The following CASD1 variants were observed in gnomAD, a reference collection of about 807,000 sequenced individuals.
CASD1 encodes CAS1 domain sialic acid O acetyltransferase 1, also known as N-acetylneuraminate (7)9-O-acetyltransferase.
Under a neutral mutation model 100.0 loss-of-function variants are expected in CASD1, and 41 were observed. The ratio of observed to expected loss-of-function variants is 0.41; its 90% CI spans 0.32 to 0.53. The LOEUF (loss-of-function observed/expected upper bound fraction) is 0.53, where lower values mean the gene tolerates loss of function less well. Ranked by LOEUF, CASD1 falls within the 20% of genes least tolerant of loss-of-function variation. CASD1 has a pLI of 0.25. For synonymous variants in CASD1, 321 were observed against 315.6 expected, an observed-to-expected ratio of 1.02 and a Z score of -0.18; for missense variants, 774 against 948.7, an observed-to-expected ratio of 0.82 and a Z score of 2.42.
intron 5 of CASD1, among the ~76,000 whole-genome samples, chr7:94,530,451 C>T (rs1203005487): frequency 6.6e-6 from 1 of 152,100 alleles, no homozygotes; most frequent in Non-Finnish European, 1.5e-5. Flanking sequence ...TATCCTCAGC[C>T]ATACTGGGGG....
chr7:94,598,758 T>C, the CASD1 span: 1 of 1,549,334 alleles, frequency 6.5e-7, no homozygotes, highest in Non-Finnish European at 8.9e-7. Flanking sequence ...TAATTATGGC[T>C]CTAAGTGGAC....
At chr7:94,516,335 C>T (rs780632973) in intron 1 of CASD1, among the ~76,000 whole-genome samples, 1 of 152,084 alleles carries the variant, frequency 6.6e-6, no homozygotes, top group East Asian at 1.9e-4. Flanking sequence ...GCATACTTGT[C>T]TTGTATTTGT....
chr7:94,618,794 C>G, the CASD1 span: 2 of 1,614,010 alleles, frequency 1.2e-6, no homozygotes, highest in Non-Finnish European at 1.7e-6. Context: ...TGGCACCCTG[C>G]CACCCCTGTC....
intron 11 of CASD1, 108 bp from the exon 12 acceptor site, chr7:94,545,437 T>G: frequency 1.4e-6 from 1 of 713,900 alleles, no homozygotes; most frequent in South Asian, 1.9e-5. Context: ...CATTATTGAG[T>G]CTTAGCCATT....
chr7:94,540,238 T>A (rs1178957176), intron 10 of CASD1, among the ~76,000 whole-genome samples: 1 of 152,196 alleles, frequency 6.6e-6, no homozygotes, highest in Non-Finnish European at 1.5e-5. Flanking sequence ...TTTTAATAAA[T>A]TCATAATTTG....
chr7:94,582,295 T>C, the CASD1 span, among the ~76,000 whole-genome samples: 2 of 152,122 alleles, frequency 1.3e-5, no homozygotes, highest in Non-Finnish European at 2.9e-5. Flanking sequence ...TTTTTGTATT[T>C]TTAGTAGAGA....
chr7:94,574,344 A>G, the CASD1 span, among the ~76,000 whole-genome samples: 2 of 152,266 alleles, frequency 1.3e-5, no homozygotes, highest in African/African-American at 4.8e-5. Context: ...TTTGGCTGTG[A>G]ATCCATCAGG....
chr7:94,512,358 G>A (rs1004540925), intron 1 of CASD1, among the ~76,000 whole-genome samples: 42 of 152,186 alleles, frequency 2.8e-4, no homozygotes, highest in African/African-American at 9.7e-4. Context: ...GCCATGGCTT[G>A]GAAAATCTTG....
the CASD1 span, chr7:94,584,982 A>G: frequency 1.3e-5 from 2 of 153,220 alleles, no homozygotes; most frequent in Non-Finnish European, 2.9e-5. Context: ...CCATAAAACT[A>G]GGTTTATTCG....
chr7:94,538,926 T>C lies in CASD1; in HGVS notation c.1267-41T>C, dbSNP rs749749374. 10 of 1,075,328 alleles carry C rather than the reference T, an allele frequency of 9.3e-6. No homozygotes were observed. In the East Asian group the frequency reaches 2.5e-4, roughly 27 times the overall value. 66.6% of individuals were successfully genotyped at this position (1,075,328 alleles called of 1,614,324 possible). On this transcript the variant is annotated intron_variant, in intron 9 of 17. Transcript: ENST00000297273. ...TATTATATGCCGTTAAATAATTTCTTCATGATAAATTTTAAAACAGATTTT... is the reference window on the plus strand; with the variant it reads ...TATTATATGCCGTTAAATAATTTCTCCATGATAAATTTTAAAACAGATTTT...
At chr7:94,562,952 A>G in the CASD1 span, among the ~76,000 whole-genome samples, 1 of 152,122 alleles carries the variant, frequency 6.6e-6, no homozygotes, top group African/African-American at 2.4e-5. Context: ...TGTATTTTAC[A>G]GCTTAGTTTT....
the CASD1 span, chr7:94,623,879 A>G: frequency 2.8e-6 from 1 of 357,196 alleles, no homozygotes; most frequent in East Asian, 4.1e-5. Context: ...TGTCATAAAT[A>G]ACCCTTTGGA....
chr7:94,542,372 A>G (rs1795448687), intron 10 of CASD1, among the ~76,000 whole-genome samples: 1 of 152,214 alleles, frequency 6.6e-6, no homozygotes, highest in African/African-American at 2.4e-5. Context: ...AATGTATACC[A>G]CATTAAATAT....
At chr7:94,588,317 G>C in the CASD1 span, 1 of 1,073,234 alleles carries the variant, frequency 9.3e-7, no homozygotes, top group Non-Finnish European at 1.1e-6. Context: ...TTTTGTAAGA[G>C]AGCTTGAAAC....
the CASD1 span, among the ~76,000 whole-genome samples, chr7:94,591,359 A>G: frequency 2.0e-5 from 3 of 152,268 alleles, no homozygotes; most frequent in East Asian, 5.8e-4. Flanking sequence ...ACTCAAAACG[A>G]ACACAGTGCA....
intron 1 of CASD1, 63 bp from the exon 2 acceptor site, chr7:94,517,496 CA>C: frequency 1.0e-6 from 1 of 1,000,002 alleles, no homozygotes; most frequent in Non-Finnish European, 1.5e-6. Context: ...TATATAGGGT[CA>C]AGATAGCCGA....
chr7:94,608,514 T>G, the CASD1 span, among the ~76,000 whole-genome samples: 62 of 152,168 alleles, frequency 4.1e-4, no homozygotes, highest in Non-Finnish European at 7.8e-4. Flanking sequence ...TAATTATAGA[T>G]TCAATGTAAT....
At chr7:94,600,405 T>G in the CASD1 span, 1 of 458,948 alleles carries the variant, frequency 2.2e-6, no homozygotes, top group Non-Finnish European at 3.9e-6. Flanking sequence ...GTTTTGCCAG[T>G]GTGAATTTAC....
At position 94,509,884 on chromosome 7, in the gene CASD1, T is replaced by C. The variant is rs1432523105; in HGVS notation, c.-201T>C. ...GCGGGGCTGGGGGGAGGCCGCCGAGTCGGCCGCGGCCGAGGAGGGGCAGGC... is the reference window on the plus strand; with the variant it reads ...GCGGGGCTGGGGGGAGGCCGCCGAGCCGGCCGCGGCCGAGGAGGGGCAGGC... On this transcript the variant is annotated 5_prime_UTR_variant, in exon 1 of 18. Transcript: ENST00000297273. The C allele has an allele frequency of 9.6e-7, 1 of 1,041,996 alleles. No individual in the cohort carries two copies. Among genetic ancestry groups the C allele is most frequent in the Non-Finnish European group, 1.2e-6 (1 of 867,622 alleles). The allele number at this position is 1,041,996 out of a possible 1,614,324, so 64.5% of individuals were successfully genotyped here.
Sources: allele counts gnomAD v4.1 joint callset (sites outside exome capture counted in the v4.1 genomes callset), GRCh38; gene constraint gnomAD v4.1.1; transcripts MANE v1.5; gene names NCBI Gene and HGNC (gene_info 2026-07-23, HGNC 2026-07-21).